The following FAM110B variants were observed in gnomAD, a reference collection of about 807,000 sequenced individuals.
The protein encoded by FAM110B is family with sequence similarity 110 member B, also known as protein FAM110B.
A neutral mutation model predicts 20.4 loss-of-function variants in FAM110B; 6 were observed. The observed-to-expected ratio is 0.29, with a 90% CI of 0.16 to 0.58. The LOEUF is 0.58. Ranked by LOEUF, FAM110B falls within the 20% of genes least tolerant of loss-of-function variation. FAM110B has a pLI of 0.90. For missense variants in FAM110B, 434 were observed against 498.2 expected (o/e 0.87, Z 1.23); for synonymous variants, 226 against 214.1 (o/e 1.06, Z -0.49).
At chr8:58,077,695 GTA>G (rs1163817595) in intron 3 of FAM110B, among the ~76,000 whole-genome samples, 1 of 152,186 alleles carries the variant, frequency 6.6e-6, no homozygotes, top group African/African-American at 2.4e-5. Flanking sequence ...ACAAGAAGGG[GTA>G]GGTCCCTCCC....
At chr8:58,118,282 G>A (rs376917469) in intron 3 of FAM110B, among the ~76,000 whole-genome samples, 1 of 152,334 alleles carries the variant, frequency 6.6e-6, no homozygotes, top group South Asian at 2.1e-4. Flanking sequence ...AAATGCCAAT[G>A]CAGATTGATA....
intron 1 of FAM110B, among the ~76,000 whole-genome samples, chr8:58,018,248 T>C (rs1446579774): frequency 6.6e-6 from 1 of 152,174 alleles, no homozygotes; most frequent in Non-Finnish European, 1.5e-5. Context: ...TTATATAAAC[T>C]TTTATTTCAT....
chr8:58,141,544 G>C (rs975092838), intron 3 of FAM110B, among the ~76,000 whole-genome samples: 2 of 152,150 alleles, frequency 1.3e-5, no homozygotes, highest in Non-Finnish European at 2.9e-5. Context: ...AAACTTCTGT[G>C]GGTGAATCCA....
intron 3 of FAM110B, among the ~76,000 whole-genome samples, chr8:58,083,571 T>G (rs1806255622): frequency 6.6e-6 from 1 of 152,206 alleles, no homozygotes; most frequent in Non-Finnish European, 1.5e-5. Flanking sequence ...TTTGTGATTG[T>G]CTCCACGTTC....
At chr8:58,037,160 T>A (rs1284223218) in intron 2 of FAM110B, among the ~76,000 whole-genome samples, 1 of 152,152 alleles carries the variant, frequency 6.6e-6, no homozygotes, top group East Asian at 1.9e-4. Flanking sequence ...TATAAGCTGA[T>A]CAACCTACAA....
intron 2 of FAM110B, among the ~76,000 whole-genome samples, chr8:58,068,742 G>T (rs1585858466): frequency 6.6e-6 from 1 of 152,100 alleles, no homozygotes; most frequent in East Asian, 1.9e-4. Context: ...ATCAGCTCAG[G>T]ACTGCTAATT....
At chr8:58,013,800 T>C (rs1486934047) in intron 1 of FAM110B, among the ~76,000 whole-genome samples, 2 of 152,252 alleles carry the variant, frequency 1.3e-5, no homozygotes, top group African/African-American at 2.4e-5. Context: ...GCCTGCCTGC[T>C]CTGTGGTAGA....
chr8:58,122,196 C>T (rs1157670103), intron 3 of FAM110B, among the ~76,000 whole-genome samples: 1 of 152,122 alleles, frequency 6.6e-6, no homozygotes, highest in Non-Finnish European at 1.5e-5. Context: ...TTAAGTACAG[C>T]ACCATTTTGG....
chr8:58,126,563 G>A lies in FAM110B; in HGVS notation c.-324-19344G>A, dbSNP rs183877278. 2.6e-5 allele frequency among the ~76,000 whole-genome samples: 4 copies of A among 152,138 alleles called. No individual in the cohort carries two copies. In the East Asian group the frequency reaches 7.7e-4, roughly 29 times the overall value. On this transcript the variant is annotated intron_variant, in intron 3 of 3. Transcript: ENST00000519262. ...CTCTGCATTCTTGCCAGCATTTATT[G>A]GGTGGTGTGTCTCTCTCTCTTTTTT...
At chr8:58,090,639 G>A (rs770291882) in intron 3 of FAM110B, among the ~76,000 whole-genome samples, 8 of 152,152 alleles carry the variant, frequency 5.3e-5, no homozygotes, top group Non-Finnish European at 1.0e-4. Context: ...ACTGCATGGG[G>A]TGGAGGGTCA....
At chr8:58,082,085 T>C (rs1806210988) in intron 3 of FAM110B, among the ~76,000 whole-genome samples, 1 of 152,160 alleles carries the variant, frequency 6.6e-6, no homozygotes, top group African/African-American at 2.4e-5. Flanking sequence ...TGCGAGCACA[T>C]GGGCTAGGGT....
intron 3 of FAM110B, among the ~76,000 whole-genome samples, chr8:58,132,025 C>A (rs1803484621): frequency 6.6e-6 from 1 of 152,118 alleles, no homozygotes; most frequent in Non-Finnish European, 1.5e-5. Flanking sequence ...TTCTGTTGCC[C>A]AGAATATATT....
chr8:57,997,827 A>G (rs1163212777), intron 1 of FAM110B, among the ~76,000 whole-genome samples: 1 of 152,222 alleles, frequency 6.6e-6, no homozygotes, highest in Non-Finnish European at 1.5e-5. Context: ...GACCAGCAAA[A>G]TCCTCGATGG....
intron 1 of FAM110B, among the ~76,000 whole-genome samples, chr8:58,004,178 T>C (rs1804357165): frequency 1.3e-5 from 2 of 152,212 alleles, no homozygotes; most frequent in Non-Finnish European, 2.9e-5. Flanking sequence ...ATCTAATGCC[T>C]CCACTGATCT....
chr8:58,006,010 G>A (rs1804395246), intron 1 of FAM110B, among the ~76,000 whole-genome samples: 1 of 151,932 alleles, frequency 6.6e-6, no homozygotes, highest in Non-Finnish European at 1.5e-5. Context: ...ATTCACAGCT[G>A]GCTTTTCCTC....
chr8:58,041,881 TGTCA>T (rs1275714835), intron 2 of FAM110B, among the ~76,000 whole-genome samples: 3 of 152,236 alleles, frequency 2.0e-5, no homozygotes, highest in African/African-American at 7.2e-5. Context: ...TGACTTCTGC[TGTCA>T]GTCAGGAAGC....
At chr8:58,015,863 AAAAG>A (rs1296661162) in intron 1 of FAM110B, among the ~76,000 whole-genome samples, 9 of 151,828 alleles carry the variant, frequency 5.9e-5, no homozygotes, top group Non-Finnish European at 1.0e-4. Context: ...AAAAAAAAGA[AAAAG>A]AAAAAAGGCA....
At position 58,148,031 on chromosome 8, in the gene FAM110B, T is replaced by C. The variant is rs1803907106; in HGVS notation, c.*688T>C. ...AAGAAAGATGGTTAAATCTAGGAGG[T>C]TGGGTGTTTGGGGGTTTTGTTGATG... On this transcript the variant is annotated 3_prime_UTR_variant, in exon 4 of 4. Transcript: ENST00000519262. The C allele has an allele frequency of 6.0e-6, 1 of 166,870 alleles. No individual in the cohort carries two copies. Among genetic ancestry groups the C allele is most frequent in the Non-Finnish European group, 1.5e-5 (1 of 68,110 alleles). 10.3% of individuals were successfully genotyped at this position (166,870 alleles called of 1,614,324 possible).
At chr8:58,125,408 TATCTC>T (rs1399078766) in intron 3 of FAM110B, among the ~76,000 whole-genome samples, 4 of 152,248 alleles carry the variant, frequency 2.6e-5, no homozygotes, top group African/African-American at 7.2e-5. Context: ...TTTTGTTTCT[TATCTC>T]ATCTTCTCAA....
Sources: gnomAD v4.1 joint callset for allele counts (sites outside exome capture counted in the v4.1 genomes callset) on GRCh38, gnomAD v4.1.1 for gene constraint, MANE v1.5 for transcripts, NCBI Gene and HGNC (gene_info 2026-07-23, HGNC 2026-07-21) for gene names.